Variants in ABCA13 observed in about 807,000 individuals in gnomAD.
ABCA13 encodes ATP binding cassette subfamily A member 13, also known as ATP-binding cassette sub-family A member 13.
Under a neutral mutation model 478.7 loss-of-function variants are expected in ABCA13, and 476 were observed. The observed-to-expected ratio is 0.99, with a 90% confidence interval of 0.92 to 1.07. ABCA13 has a LOEUF of 1.07. Among genes scored for constraint, ABCA13 ranks in the 50% least tolerant of loss-of-function variants. ABCA13 has a pLI of 0.00. For synonymous variants in ABCA13, 2,252 were observed against 2,158.9 expected, an observed-to-expected ratio of 1.04 and a Z score of -1.20; for missense variants, 6,060 against 5,910.6, an observed-to-expected ratio of 1.03 and a Z score of -0.83.
chr7:48,224,253 G>A (rs1584288863), intron 5 of ABCA13, among the ~76,000 whole-genome samples: 1 of 152,154 alleles, frequency 6.6e-6, no homozygotes, highest in Admixed American at 6.5e-5. Context: ...CAGCTTGAGA[G>A]GGCAGGGGAG....
intron 6 of ABCA13, among the ~76,000 whole-genome samples, 197 bp from the exon 7 acceptor site, chr7:48,229,628 C>T (rs1788757327): frequency 6.6e-6 from 1 of 152,198 alleles, no homozygotes; most frequent in African/African-American, 2.4e-5. Context: ...GAAGACCTTA[C>T]CTCTTACATT....
chr7:48,640,335 C>T (rs1263101407), intron 59 of ABCA13, among the ~76,000 whole-genome samples: 2 of 152,120 alleles, frequency 1.3e-5, no homozygotes, highest in East Asian at 3.9e-4. Flanking sequence ...GGTGCATTGC[C>T]ACCTCTTTTG....
At chr7:48,310,170 T>C in intron 24 of ABCA13, 29 bp downstream of exon 24, 1 of 1,581,262 alleles carries the variant, frequency 6.3e-7, no homozygotes, top group Non-Finnish European at 8.6e-7. Context: ...CTGGGGGCAG[T>C]CCTCTGCAGG....
intron 55 of ABCA13, among the ~76,000 whole-genome samples, chr7:48,551,894 C>T (rs1785361456): frequency 6.6e-6 from 1 of 151,750 alleles, no homozygotes; most frequent in Non-Finnish European, 1.5e-5. Context: ...ATCCTACTGT[C>T]TTCTGACAGT....
At chr7:48,317,117 G>GT in intron 26 of ABCA13, 40 bp from the exon 27 acceptor site, 4 of 1,584,876 alleles carry the variant, frequency 2.5e-6, no homozygotes, top group Non-Finnish European at 3.4e-6. Flanking sequence ...TAGGCATCGT[G>GT]TATCATTAGC....
chr7:48,598,609 G>A (rs548100646), intron 58 of ABCA13, among the ~76,000 whole-genome samples: 2 of 152,114 alleles, frequency 1.3e-5, no homozygotes, highest in African/African-American at 4.8e-5. Context: ...TAAATGATTT[G>A]CAAATATGTA....
chr7:48,268,827 C>A (rs6968724), intron 15 of ABCA13, among the ~76,000 whole-genome samples, 153 bp from the exon 16 acceptor site: 1,603 of 143,788 alleles, frequency 0.011, 12 homozygotes, highest in Admixed American at 0.025. Flanking sequence ...AAGCACAAGT[C>A]AAATTAGAAG....
At chr7:48,326,929 A>G (rs1804419288) in intron 27 of ABCA13, among the ~76,000 whole-genome samples, 1 of 152,326 alleles carries the variant, frequency 6.6e-6, no homozygotes, top group East Asian at 1.9e-4. Context: ...TCTATCTGGT[A>G]TAGTGGATTC....
chr7:48,305,279 C>T (rs1800731365), intron 23 of ABCA13, among the ~76,000 whole-genome samples: 1 of 152,190 alleles, frequency 6.6e-6, no homozygotes, highest in African/African-American at 2.4e-5. Context: ...TCAGGATCCA[C>T]CACCTTGCCA....
intron 59 of ABCA13, among the ~76,000 whole-genome samples, chr7:48,622,633 C>A (rs567515664): frequency 6.6e-6 from 1 of 152,084 alleles, no homozygotes. Context: ...TCTTTTATCT[C>A]TTTTGTCTTC....
rs548554916 is a variant in ABCA13 at position 48,485,079 on chromosome 7, A to G, written c.13182+1916A>G. Among the ~76,000 whole-genome samples the G allele has an allele frequency of 5.3e-5, 8 of 152,310 alleles. No homozygotes were observed. The East Asian group carries it at 9.7e-4, about 18-fold the overall frequency. On this transcript the variant is annotated intron_variant, in intron 47 of 61. Transcript: ENST00000435803. Reference sequence around the variant, plus strand: ...TTGTGTGACCTTTATGAGTTCTATCATTCACATCTTGAGTGTTTAGCTTGT... The same window carrying G: ...TTGTGTGACCTTTATGAGTTCTATCGTTCACATCTTGAGTGTTTAGCTTGT...
chr7:48,589,614 A>AATACAGCATC (rs938526598), intron 57 of ABCA13, among the ~76,000 whole-genome samples: 5 of 152,328 alleles, frequency 3.3e-5, no homozygotes, highest in African/African-American at 1.2e-4. Flanking sequence ...TCAAATATGT[A>AATACAGCATC]ATACAGCATC....
intron 56 of ABCA13, among the ~76,000 whole-genome samples, chr7:48,582,597 C>G (rs1261368063): frequency 6.6e-6 from 1 of 152,156 alleles, no homozygotes; most frequent in East Asian, 1.9e-4. Flanking sequence ...GTGCAAGACC[C>G]TCTGTGCTTG....
chr7:48,274,570 T>C lies in ABCA13; in HGVS notation c.4904T>C (p.Ile1635Thr), dbSNP rs974137749. The part of the protein sequence containing the change: ...MKATGLGIQL[I>T]RDVFNSLMPV... ...GCTACAGGTCTTGGTATTCAACTGA[T>C]AAGGGATGTGTTCAACTCCTTAATG... is the stretch of plus-strand genomic sequence containing the variant. The change falls in exon 17 of 62, where the codon ATA becomes ACA. Residue 1635 changes from isoleucine to threonine, a missense_variant. Ile to Thr is a moderately conservative substitution (Grantham distance 89). This residue lies in a region of ABCA13 where 4,423 missense variants were observed against 4,309.1 expected (regional missense o/e 1.03). Coordinates refer to ENST00000435803, the MANE Select transcript of ABCA13 (RefSeq NM_152701.5). 7 of 1,613,832 alleles carry C rather than the reference T, an allele frequency of 4.3e-6. No homozygotes were observed. Among genetic ancestry groups the C allele is most frequent in the Non-Finnish European group, 5.9e-6 (7 of 1,179,872 alleles).
rs73697164 is a variant in ABCA13 at position 48,391,932 on chromosome 7, C to T, written c.11666C>T (p.Thr3889Met). ...ATTTTCTCTGGCAGATCCATGTTGACGGGGCTCCACCCTCCCACTTCTGGA... is the reference window on the plus strand; with the variant it reads ...ATTTTCTCTGGCAGATCCATGTTGATGGGGCTCCACCCTCCCACTTCTGGA... The part of the protein sequence containing the change: ...AGKTTIISML[T>M]GLHPPTSGTI... Residue 3889 changes from threonine (T) to methionine (M), a missense_variant, in exon 38 of 62, where the codon ACG (threonine) becomes ATG (methionine). Transcript: ENST00000435803. The T allele has an allele frequency of 5.3e-3, 8,603 of 1,613,616 alleles. 388 individuals are homozygous for T. In the African/African-American group the frequency reaches 0.097, roughly 18 times the overall value.
chr7:48,326,691 A>G (rs1164594730), intron 27 of ABCA13, among the ~76,000 whole-genome samples: 9 of 152,164 alleles, frequency 5.9e-5, no homozygotes, highest in African/African-American at 2.2e-4. Flanking sequence ...GTTTAACTCT[A>G]AGGCCAATGT....
intron 5 of ABCA13, among the ~76,000 whole-genome samples, chr7:48,226,540 A>G (rs1240178622): frequency 6.6e-6 from 1 of 152,202 alleles, no homozygotes; most frequent in Non-Finnish European, 1.5e-5. Flanking sequence ...TCTAAAATGC[A>G]GGACTCACTT....
At chr7:48,366,985 T>C (rs1811776231) in intron 31 of ABCA13, among the ~76,000 whole-genome samples, 1 of 152,190 alleles carries the variant, frequency 6.6e-6, no homozygotes, top group Non-Finnish European at 1.5e-5. Flanking sequence ...ACCAGCCCAG[T>C]AACACGGCTT....
chr7:48,470,843 G>C (rs890594635), intron 44 of ABCA13, among the ~76,000 whole-genome samples: 10 of 152,124 alleles, frequency 6.6e-5, no homozygotes, highest in African/African-American at 2.2e-4. Flanking sequence ...TATCTAGCCG[G>C]TGCTTGTAAT....
Sources: allele counts gnomAD v4.1 joint callset (sites outside exome capture counted in the v4.1 genomes callset), GRCh38; gene constraint gnomAD v4.1.1; regional missense constraint gnomAD v4.1.1; transcripts MANE v1.5; gene names NCBI Gene and HGNC (gene_info 2026-07-23, HGNC 2026-07-21).